The following SMIM14 variants were observed in gnomAD, a reference collection of about 807,000 sequenced individuals.
The protein encoded by SMIM14 is small integral membrane protein 14, also known as chromosome 4 open reading frame 34.
Under a neutral mutation model 12.6 loss-of-function variants are expected in SMIM14, and 5 were observed. The observed-to-expected ratio is 0.40, with a 90% CI of 0.21 to 0.83. The LOEUF is 0.83. SMIM14 is among the 40% of genes least tolerant of loss of function. The probability of loss-of-function intolerance (pLI) is 0.37; values close to 1 mark genes in which losing one functional copy is unlikely to be tolerated. For missense variants in SMIM14, 86 were observed against 119.1 expected (o/e 0.72, Z 1.29); for synonymous variants, 30 against 40.1 (o/e 0.75, Z 0.95).
At chr4:39,552,568 G>GA (rs1186267492) in intron 4 of SMIM14, among the ~76,000 whole-genome samples, 2 of 152,168 alleles carry the variant, frequency 1.3e-5, no homozygotes, top group Non-Finnish European at 2.9e-5. Context: ...TGAAGCTAGG[G>GA]ACTTTTGTTT....
intron 1 of SMIM14, among the ~76,000 whole-genome samples, chr4:39,632,775 TCACACACACACACACACACACACACACA>T (rs369057968): frequency 5.2e-5 from 6 of 115,016 alleles, no homozygotes; most frequent in East Asian, 2.7e-4. Flanking sequence ...GAGACTCCCG[TCACACACACACACACACACACACACACA>T]CACACACACA....
chr4:39,638,422 G>T, intron 1 of SMIM14: 3 of 967,836 alleles, frequency 3.1e-6, no homozygotes, highest in Non-Finnish European at 3.7e-6. Context: ...TCCATGATAC[G>T]CCTCCACCCG....
chr4:39,603,823 C>T (rs1431101442), intron 2 of SMIM14, among the ~76,000 whole-genome samples: 2 of 151,604 alleles, frequency 1.3e-5, no homozygotes, highest in Non-Finnish European at 2.9e-5. Flanking sequence ...CCAGCCTGAC[C>T]AACAAGGTGA....
At chr4:39,617,431 G>C (rs1406902444) in intron 1 of SMIM14, among the ~76,000 whole-genome samples, 1 of 152,098 alleles carries the variant, frequency 6.6e-6, no homozygotes, top group Non-Finnish European at 1.5e-5. Context: ...TAAGTTTCTT[G>C]TTCTCTCAAC....
chr4:39,603,737 G>A (rs1053867167), intron 2 of SMIM14, among the ~76,000 whole-genome samples: 1 of 151,968 alleles, frequency 6.6e-6, no homozygotes, highest in Admixed American at 6.6e-5. Flanking sequence ...TAGGCCAGGC[G>A]CAGTGGTTCA....
rs1427449297 is a variant in SMIM14 at position 39,638,575 on chromosome 4, C to T, written c.-36+164G>A. 7.1e-6 allele frequency: 7 copies of T among 982,534 alleles called. No individual in the cohort carries two copies. In the Admixed American group the frequency reaches 4.3e-4, roughly 60 times the overall value. The allele number at this position is 982,534 out of a possible 1,614,324, so 60.9% of individuals were successfully genotyped here. On this transcript the variant is annotated intron_variant, in intron 1 of 4. Coordinates refer to ENST00000295958, the MANE Select transcript of SMIM14 (RefSeq NM_174921.3). ...GGCTCGGCAGCAGCGGAGCTTCTCC[C>T]GGTGCAGAATCGCCAGCCCGGCCGA...
Position 39,549,689 on chromosome 4 carries a change from C to T in SMIM14, c.*2437G>A, listed in dbSNP as rs759175580. On this transcript the variant is annotated 3_prime_UTR_variant, in exon 5 of 5. Transcript: ENST00000295958. ...CAGATTGTTAGGATATATGGGCAAG[C>T]CTTCTAAGTTCAAGAGGCAAGAGCA... 1 of 152,202 alleles carries T rather than the reference C, an allele frequency of 6.6e-6. No homozygotes were observed. The highest frequency in any genetic ancestry group is 1.5e-5 in the Non-Finnish European group (1 of 68,040). 9.4% of individuals were successfully genotyped at this position (152,202 alleles called of 1,614,324 possible). A position where few individuals can be genotyped will look rare whatever the true frequency, so the allele number is the denominator to read the frequency against.
intron 1 of SMIM14, among the ~76,000 whole-genome samples, chr4:39,629,790 A>G (rs1715836896): frequency 6.6e-6 from 1 of 151,674 alleles, no homozygotes; most frequent in South Asian, 2.1e-4. Flanking sequence ...CACTCAGCCA[A>G]TTTTTTTACT....
chr4:39,624,037 A>G (rs568138087), intron 1 of SMIM14, among the ~76,000 whole-genome samples: 8 of 152,222 alleles, frequency 5.3e-5, no homozygotes, highest in Non-Finnish European at 1.2e-4. Flanking sequence ...ATGAAATGGG[A>G]GGCCAGAGGA....
chr4:39,634,159 C>T (rs1485254889), intron 1 of SMIM14, among the ~76,000 whole-genome samples: 2 of 152,156 alleles, frequency 1.3e-5, no homozygotes, highest in African/African-American at 2.4e-5. Context: ...AATCTCTCGA[C>T]CTCGTGATCC....
At chr4:39,604,551 A>T (rs1714733356) in intron 2 of SMIM14, among the ~76,000 whole-genome samples, 1 of 151,994 alleles carries the variant, frequency 6.6e-6, no homozygotes, top group African/African-American at 2.4e-5. Context: ...TAATAATAAT[A>T]ATAATAATAA....
rs1560307346 is a variant in SMIM14 at position 39,619,868 on chromosome 4, A to AAATG, written c.-35-14689_-35-14688insCATT. ...TATATATTTATATATATTTATATAT[A>AAATG]TATATATATTTTTTTTTTTTTAAGA... On this transcript the variant is annotated intron_variant, in intron 1 of 4. Transcript: ENST00000295958. Among the ~76,000 whole-genome samples the AAATG allele has an allele frequency of 1.1e-3, 86 of 78,578 alleles. 1 individual carries two copies. Among genetic ancestry groups the AAATG allele is most frequent in the Admixed American group, 2.8e-3 (18 of 6,510 alleles). 51.6% of individuals were successfully genotyped at this position (78,578 alleles called of 152,430 possible).
intron 1 of SMIM14, among the ~76,000 whole-genome samples, chr4:39,632,822 CACACAAAAGA>C (rs1364882138): frequency 3.0e-4 from 37 of 122,766 alleles, no homozygotes; most frequent in Middle Eastern, 4.0e-3. Flanking sequence ...CACACACACA[CACACAAAAGA>C]AAAAGAAAAA....
At chr4:39,625,621 A>G (rs1177929330) in intron 1 of SMIM14, among the ~76,000 whole-genome samples, 1 of 152,074 alleles carries the variant, frequency 6.6e-6, no homozygotes, top group Non-Finnish European at 1.5e-5. Flanking sequence ...TTGTACTTTT[A>G]GTAGAGACGG....
intron 2 of SMIM14, among the ~76,000 whole-genome samples, chr4:39,596,871 G>C (rs1025945048): frequency 1.3e-5 from 2 of 152,044 alleles, no homozygotes; most frequent in African/African-American, 4.8e-5. Context: ...GACTTCCCAG[G>C]CTCAAGCAAT....
chr4:39,563,083 G>C (rs563905410), intron 3 of SMIM14, among the ~76,000 whole-genome samples: 1 of 151,026 alleles, frequency 6.6e-6, no homozygotes. Flanking sequence ...TTTTTGAGAC[G>C]GAGTTTCACT....
intron 2 of SMIM14, among the ~76,000 whole-genome samples, chr4:39,582,311 T>A (rs1713550621): frequency 6.6e-6 from 1 of 152,188 alleles, no homozygotes; most frequent in Non-Finnish European, 1.5e-5. Context: ...ACTGGATCTT[T>A]CCTTTGCAGC....
At chr4:39,563,244 T>G (rs1292081939) in intron 3 of SMIM14, among the ~76,000 whole-genome samples, 6 of 152,090 alleles carry the variant, frequency 3.9e-5, no homozygotes, top group African/African-American at 1.4e-4. Flanking sequence ...GTATTTTTAG[T>G]AGAGACTGGG....
intron 2 of SMIM14, among the ~76,000 whole-genome samples, chr4:39,583,723 G>A (rs1358956315): frequency 6.6e-6 from 1 of 152,064 alleles, no homozygotes; most frequent in African/African-American, 2.4e-5. Context: ...TTCTAACACA[G>A]TATATATGAT....
Sources: gnomAD v4.1 joint callset for allele counts (sites outside exome capture counted in the v4.1 genomes callset) on GRCh38, gnomAD v4.1.1 for gene constraint, MANE v1.5 for transcripts, NCBI Gene and HGNC (gene_info 2026-07-23, HGNC 2026-07-21) for gene names.